The following UNC5D variants were observed in gnomAD, a reference collection of about 807,000 sequenced individuals.
UNC5D encodes netrin receptor UNC5D.
Under a neutral mutation model 105.4 loss-of-function variants are expected in UNC5D, and 39 were observed. The ratio of observed to expected loss-of-function variants is 0.37; its 90% CI spans 0.29 to 0.48. UNC5D has a LOEUF of 0.48. Ranked by LOEUF, UNC5D falls within the 20% of genes least tolerant of loss-of-function variation. The pLI, the probability that UNC5D is intolerant of heterozygous loss-of-function variation, is 0.98. For synonymous variants in UNC5D, 452 were observed against 450.4 expected (o/e 1.00, Z -0.04); for missense variants, 991 against 1,202.4 (o/e 0.82, Z 2.60).
intron 1 of UNC5D, among the ~76,000 whole-genome samples, chr8:35,427,214 A>G (rs750409938): frequency 5.9e-5 from 9 of 152,174 alleles, no homozygotes; most frequent in Non-Finnish European, 1.0e-4. Flanking sequence ...GAAGATGCTG[A>G]CATGCTTGGT....
Position 35,635,573 on chromosome 8 carries a change from T to G in UNC5D, c.570+39916T>G, listed in dbSNP as rs1485080158. On this transcript the variant is annotated intron_variant, in intron 4 of 16. Coordinates refer to ENST00000404895, the MANE Select transcript of UNC5D (RefSeq NM_080872.4). ...GCTCCTTCGTTGTAAGAAATCATTT[T>G]AACAACACTGACTGCTGGCAGTTCA... Among the ~76,000 whole-genome samples, 3 of 152,112 alleles carry G rather than the reference T, an allele frequency of 2.0e-5. No individual in the cohort carries two copies. The East Asian group carries it at 5.8e-4, about 29-fold the overall frequency.
intron 14 of UNC5D, among the ~76,000 whole-genome samples, chr8:35,762,718 T>C (rs1283835025): frequency 1.3e-5 from 2 of 152,194 alleles, no homozygotes; most frequent in African/African-American, 4.8e-5. Flanking sequence ...ATCACTTTCC[T>C]TTATTCCTTG....
chr8:35,394,262 C>T (rs1803965879), intron 1 of UNC5D, among the ~76,000 whole-genome samples: 1 of 152,140 alleles, frequency 6.6e-6, no homozygotes, highest in African/African-American at 2.4e-5. Flanking sequence ...GAAAGCGATG[C>T]AATGTCAATG....
chr8:35,737,400 A>G (rs1203247693), intron 11 of UNC5D, among the ~76,000 whole-genome samples: 1 of 151,780 alleles, frequency 6.6e-6, no homozygotes, highest in Non-Finnish European at 1.5e-5. Flanking sequence ...AGGTCACTTG[A>G]GAGTTTGTGA....
At chr8:35,670,472 T>C (rs1350680784) in intron 4 of UNC5D, among the ~76,000 whole-genome samples, 1 of 152,148 alleles carries the variant, frequency 6.6e-6, no homozygotes, top group East Asian at 1.9e-4. Context: ...TGCCCATCAG[T>C]GATAGACTGC....
intron 4 of UNC5D, among the ~76,000 whole-genome samples, chr8:35,677,963 C>T (rs1162037205): frequency 3.3e-5 from 5 of 150,060 alleles, no homozygotes; most frequent in East Asian, 3.9e-4. Context: ...TATATATATA[C>T]GTGTGTGTAT....
intron 4 of UNC5D, among the ~76,000 whole-genome samples, chr8:35,597,035 C>CAAAGAA (rs2130907779): frequency 6.6e-6 from 1 of 151,692 alleles, no homozygotes; most frequent in South Asian, 2.1e-4. Flanking sequence ...AGCAGATATA[C>CAAAGAA]AAAGAAAAAG....
chr8:35,281,714 T>G (rs1256207065), intron 1 of UNC5D, among the ~76,000 whole-genome samples: 1 of 152,196 alleles, frequency 6.6e-6, no homozygotes, highest in African/African-American at 2.4e-5. Context: ...GCCTTATAGC[T>G]GAGGTCTAGG....
chr8:35,290,723 C>T (rs948570437), intron 1 of UNC5D, among the ~76,000 whole-genome samples: 6 of 151,884 alleles, frequency 4.0e-5, no homozygotes, highest in South Asian at 4.2e-4. Context: ...CCAAGGCGGG[C>T]GGATCACCTG....
intron 1 of UNC5D, among the ~76,000 whole-genome samples, chr8:35,376,428 C>T (rs1802704126): frequency 6.6e-6 from 1 of 152,052 alleles, no homozygotes; most frequent in South Asian, 2.1e-4. Context: ...AAACCCCGGA[C>T]CCAGGGGTGA....
At chr8:35,476,511 T>A (rs2129912911) in intron 1 of UNC5D, among the ~76,000 whole-genome samples, 1 of 152,342 alleles carries the variant, frequency 6.6e-6, no homozygotes, top group African/African-American at 2.4e-5. Context: ...GAGATGTGTA[T>A]CTTTTGTGAT....
chr8:35,667,614 C>A (rs1824510407), intron 4 of UNC5D, among the ~76,000 whole-genome samples: 1 of 152,164 alleles, frequency 6.6e-6, no homozygotes, highest in Non-Finnish European at 1.5e-5. Context: ...ATCTAGGAAT[C>A]TATAAGAAGA....
chr8:35,761,521 C>T (rs1454384961), intron 14 of UNC5D, among the ~76,000 whole-genome samples: 2 of 152,170 alleles, frequency 1.3e-5, no homozygotes, highest in African/African-American at 4.8e-5. Context: ...GCAAGCTTTA[C>T]TGCCGGGATG....
intron 3 of UNC5D, among the ~76,000 whole-genome samples, chr8:35,578,580 T>C (rs963475879): frequency 6.6e-6 from 1 of 152,362 alleles, no homozygotes; most frequent in East Asian, 1.9e-4. Flanking sequence ...AAGATATAAT[T>C]TGAAACTTCA....
intron 8 of UNC5D, among the ~76,000 whole-genome samples, chr8:35,718,076 A>T (rs1806880890): frequency 6.7e-6 from 1 of 149,418 alleles, no homozygotes; most frequent in South Asian, 2.1e-4. Context: ...AGTGCTCTGC[A>T]TTGTTTGTGG....
At chr8:35,769,653 A>T (rs1400681456) in intron 15 of UNC5D, among the ~76,000 whole-genome samples, 1 of 152,172 alleles carries the variant, frequency 6.6e-6, no homozygotes, top group African/African-American at 2.4e-5. Flanking sequence ...ACATCTGGTG[A>T]TACATATAAT....
chr8:35,276,196 A>G (rs1805767482), intron 1 of UNC5D, among the ~76,000 whole-genome samples: 1 of 152,256 alleles, frequency 6.6e-6, no homozygotes, highest in Non-Finnish European at 1.5e-5. Flanking sequence ...TCCCATAATA[A>G]CATGATAACA....
intron 1 of UNC5D, among the ~76,000 whole-genome samples, chr8:35,472,425 A>G (rs1351816441): frequency 6.7e-6 from 1 of 148,966 alleles, no homozygotes; most frequent in African/African-American, 2.6e-5. Context: ...GGAAGGTACA[A>G]AAAAAAAGCC....
chr8:35,656,621 CT>C (rs1823756339), intron 4 of UNC5D, among the ~76,000 whole-genome samples: 2 of 152,092 alleles, frequency 1.3e-5, no homozygotes, highest in South Asian at 4.2e-4. Flanking sequence ...TAATGCAAAC[CT>C]TAACCCTCTT....
Sources: allele counts gnomAD v4.1 joint callset (sites outside exome capture counted in the v4.1 genomes callset), GRCh38; gene constraint gnomAD v4.1.1; transcripts MANE v1.5; gene names NCBI Gene and HGNC (gene_info 2026-07-23, HGNC 2026-07-21).